GEMIN4: variants seen among roughly 807,000 people sequenced by gnomAD.
GEMIN4 encodes gem nuclear organelle associated protein 4, also known as gem-associated protein 4.
A neutral mutation model predicts 76.8 loss-of-function variants in GEMIN4; 59 were observed. The observed-to-expected ratio is 0.77, with a 90% CI of 0.62 to 0.95. The LOEUF is 0.95. GEMIN4 is among the 40% of genes least tolerant of loss of function. GEMIN4 has a pLI of 0.00. For synonymous variants in GEMIN4, 562 were observed against 559.7 expected (o/e 1.00, Z -0.06); for missense variants, 1,311 against 1,318.9 (o/e 0.99, Z 0.09).
At position 747,424 on chromosome 17, in the gene GEMIN4, G is replaced by A; in HGVS notation, c.619C>T (p.Pro207Ser). The A allele has an allele frequency of 6.2e-7, 1 of 1,613,844 alleles. No homozygotes were observed. The highest frequency in any genetic ancestry group is 1.1e-5 in the South Asian group (1 of 91,080). ...PHPPKRLRSD[P>S]DACPTMPLLA... The stretch of plus-strand genomic sequence containing the variant: ...AGGGGCATGGTGGGGCACGCGTCTG[G>A]GTCTGACCTAAGCCTCTTTGGAGGA... Residue 207 changes from proline to serine, a missense_variant, in exon 2 of 2, where the codon CCA (proline) becomes TCA (serine). Physicochemically the swap from Pro to Ser is moderately conservative, Grantham distance 74 (BLOSUM62 -1). This residue lies in a region of GEMIN4 where 1,208 missense variants were observed against 1,166.9 expected (regional missense o/e 1.04). Transcript: ENST00000319004.
In GEMIN4 at chr17:746,581, C is replaced by T. The variant is rs750342929; in HGVS notation, c.1462G>A (p.Ala488Thr). ...TTTTTACCTGGCAGGGAGAGGTCTG[C>T]GTAACATTCCAGGATCAGGTGGATC... is the stretch of plus-strand genomic sequence containing the variant. ...QVIHLILECYADLSLPGKNKV... is the reference protein window; with the variant it reads ...QVIHLILECYTDLSLPGKNKV... Residue 488 changes from alanine to threonine, a missense_variant, in exon 2 of 2, where the codon GCA becomes ACA. Physicochemically the swap from Ala to Thr is moderately conservative, Grantham distance 58 (BLOSUM62 0). Transcript: ENST00000319004. This position sits in a 1 kb window ranked among gnomAD's most constrained non-coding sequence, Gnocchi z 4.3. 1.4e-5 allele frequency: 22 copies of T among 1,613,628 alleles called. No homozygotes were observed. The highest frequency in any genetic ancestry group is 1.9e-5 in the Non-Finnish European group (22 of 1,179,886).
rs1370288239 is a variant in GEMIN4, at chr17:752,201, G to C, written c.-59C>G. On this transcript the variant is annotated 5_prime_UTR_variant, in exon 1 of 2. Transcript: ENST00000319004. ...CCCCCTCCCCTCCGAGAACTCGAACGCGGCGCGGGACGCACGGCACGATGG... is the reference window on the plus strand; with the variant it reads ...CCCCCTCCCCTCCGAGAACTCGAACCCGGCGCGGGACGCACGGCACGATGG... The C allele has an allele frequency of 4.9e-6, 6 of 1,231,212 alleles. No individual in the cohort carries two copies. The highest frequency in any genetic ancestry group is 3.0e-6 in the Non-Finnish European group (3 of 986,928). The allele number at this position is 1,231,212 out of a possible 1,614,324, so 76.3% of individuals were successfully genotyped here.
intron 1 of GEMIN4, chr17:749,732 G>A: frequency 1.3e-6 from 1 of 773,094 alleles, no homozygotes; most frequent in South Asian, 3.8e-5. Flanking sequence ...CAGGGTAATG[G>A]GCACAGAGCA....
Position 747,864 on chromosome 17 carries a change from G to C in GEMIN4, c.179C>G (p.Ser60Cys). Residue 60 changes from serine (S) to cysteine (C), a missense_variant, in exon 2 of 2, where the codon TCC becomes TGC. By Grantham distance (112) the Ser-to-Cys change is moderately radical. This residue lies in a region of GEMIN4 where 103 missense variants were observed against 152.0 expected (regional missense o/e 0.68). Coordinates refer to ENST00000319004, the MANE Select transcript of GEMIN4 (RefSeq NM_015721.3). Reference protein sequence around the residue: ...LREISSAAAHSQPFAWKKKAL... With the variant: ...LREISSAAAHCQPFAWKKKAL... ...TTTCTTCTTCCAGGCAAAGGGCTGG[G>C]AGTGTGCTGCAGCCGAGGAGATCTC... 1 of 1,613,896 alleles carries C rather than the reference G, an allele frequency of 6.2e-7. No individual in the cohort carries two copies. The highest frequency in any genetic ancestry group is 1.6e-4 in the Middle Eastern group (1 of 6,062).
chr17:752,491 C>T (rs1039363413), upstream of GEMIN4: 8 of 440,038 alleles, frequency 1.8e-5, no homozygotes, highest in Admixed American at 2.0e-4. Flanking sequence ...CACCCTCACC[C>T]GGTAACCCCG....
In GEMIN4 at chr17:745,964, G is replaced by A. The variant is rs548208529; in HGVS notation, c.2079C>T (p.Ser693=). The A allele has an allele frequency of 2.5e-6, 4 of 1,613,198 alleles. No individual in the cohort carries two copies. The Admixed American group carries it at 5.0e-5, about 20-fold the overall frequency. ...CREEYWLQTC[S]PFPLLFSLCQ... ...ACAAGCTGAAGAGGAGTGGAAACGGGGAGCAGGTCTGGAGCCAGTATTCCT... is the reference window on the plus strand; with the variant it reads ...ACAAGCTGAAGAGGAGTGGAAACGGAGAGCAGGTCTGGAGCCAGTATTCCT... Residue 693 remains serine (S), a synonymous_variant, in exon 2 of 2, where the codon TCC becomes TCT. Coordinates refer to ENST00000319004, the MANE Select transcript of GEMIN4 (RefSeq NM_015721.3). This position sits in a 1 kb window ranked among gnomAD's most constrained non-coding sequence, Gnocchi z 4.6.
chr17:754,114 C>T (rs1345816766), upstream of GEMIN4: 2 of 152,250 alleles, frequency 1.3e-5, no homozygotes, highest in African/African-American at 4.8e-5. Context: ...CCAAAATGTT[C>T]CCGGGACTAT....
At position 746,241 on chromosome 17, in the gene GEMIN4, G is replaced by C. The variant is rs898791411; in HGVS notation, c.1802C>G (p.Thr601Ser). The change falls in exon 2 of 2, where the codon ACT (threonine) becomes AGT (serine). Residue 601 changes from threonine (T) to serine (S), a missense_variant. Physicochemically the swap from Thr to Ser is moderately conservative, Grantham distance 58. This residue lies in a region of GEMIN4 where 1,208 missense variants were observed against 1,166.9 expected (regional missense o/e 1.04). Coordinates refer to ENST00000319004, the MANE Select transcript of GEMIN4 (RefSeq NM_015721.3). The surrounding 1 kb of genome is among the most constrained non-coding windows in gnomAD (Gnocchi z 4.3). ...VEEQGPNSSA[T>S]FMVSCLKETV... Reference sequence around the variant, plus strand: ...TTCTTTGAGGCATGACACCATGAAAGTGGCAGATGAATTGGGACCCTGCTC... The same window carrying C: ...TTCTTTGAGGCATGACACCATGAAACTGGCAGATGAATTGGGACCCTGCTC... 4.3e-6 allele frequency: 7 copies of C among 1,613,658 alleles called. No homozygotes were observed. The African/African-American group carries it at 8.0e-5, about 18-fold the overall frequency.
In GEMIN4 at chr17:746,693, C is replaced by T. The variant is rs1974431474; in HGVS notation, c.1350G>A (p.Gln450=). 1.2e-6 allele frequency: 2 copies of T among 1,613,496 alleles called. No homozygotes were observed. Among genetic ancestry groups the T allele is most frequent in the African/African-American group, 1.3e-5 (1 of 74,906 alleles). The change falls in exon 2 of 2, where the codon CAG becomes CAA. Residue 450 remains glutamine, a synonymous_variant. Transcript: ENST00000319004. The surrounding 1 kb of genome is among the most constrained non-coding windows in gnomAD (Gnocchi z 4.3). ...CCAGCAGCCTCAACACCAAGTCTGGCTGTCGGAAGAGGGCCCTGTTACTCC... is the reference window on the plus strand; with the variant it reads ...CCAGCAGCCTCAACACCAAGTCTGGTTGTCGGAAGAGGGCCCTGTTACTCC... ...CLGSNRALFR[Q]PDLVLRLLET... is the part of the protein sequence containing the mutation.
At chr17:752,298 G>A (rs1904776524), upstream of GEMIN4, 2 of 1,223,228 alleles carry the variant, frequency 1.6e-6, no homozygotes, top group Non-Finnish European at 2.0e-6. Context: ...CACAGCCTCC[G>A]CCGCGCACGC....
chr17:748,948 G>A (rs1476156352), intron 1 of GEMIN4: 11 of 152,356 alleles, frequency 7.2e-5, no homozygotes, highest in South Asian at 1.1e-4. Context: ...GCAATCACAC[G>A]GCCACAGGAT....
chr17:753,675 GACTA>G (rs1460695702), upstream of GEMIN4: 4 of 152,500 alleles, frequency 2.6e-5, no homozygotes, highest in East Asian at 3.8e-4. Context: ...CAAATACACA[GACTA>G]ACTTTTTGTA....
chr17:747,961 G>A lies in GEMIN4; in HGVS notation c.82C>T (p.Pro28Ser), dbSNP rs776030289. 4 of 1,613,112 alleles carry A rather than the reference G, an allele frequency of 2.5e-6. No individual in the cohort carries two copies. The highest frequency in any genetic ancestry group is 3.4e-6 in the Non-Finnish European group (4 of 1,179,670). ...GFLLAEQLFH[P>S]KALAELTKSD... The stretch of plus-strand genomic sequence containing the variant: ...TTTGTTAATTCTGCCAGTGCCTTAG[G>A]GTGGAACAGCTGCTCGGCCAGCAAG... Residue 28 changes from proline to serine, a missense_variant, in exon 2 of 2, where the codon CCT becomes TCT. Pro to Ser is a moderately conservative substitution (Grantham distance 74). Around this residue, in one of 2 missense-constraint regions of GEMIN4, gnomAD observed 103 missense variants for 152.0 expected, o/e 0.68. Transcript: ENST00000319004.
upstream of GEMIN4, chr17:753,992 G>C (rs958888121): frequency 6.6e-6 from 1 of 152,232 alleles, no homozygotes; most frequent in African/African-American, 2.4e-5. Flanking sequence ...CAAGCTTTCC[G>C]TGATGATAAT....
chr17:752,787 A>C, upstream of GEMIN4: 1 of 203,442 alleles, frequency 4.9e-6, no homozygotes, highest in Non-Finnish European at 8.8e-6. Flanking sequence ...AAACACAAAC[A>C]TCGCGTGCCT....
Position 752,221 on chromosome 17 carries a change from C to G in GEMIN4, c.-79G>C, listed in dbSNP as rs1213445021. The stretch of plus-strand genomic sequence containing the variant: ...CGAACGCGGCGCGGGACGCACGGCA[C>G]GATGGGAGACGCAGGAGCCACGGCG... On this transcript the variant is annotated 5_prime_UTR_variant, in exon 1 of 2. Coordinates refer to ENST00000319004, the MANE Select transcript of GEMIN4 (RefSeq NM_015721.3). 2 of 1,229,502 alleles carry G rather than the reference C, an allele frequency of 1.6e-6. No individual in the cohort carries two copies. Among genetic ancestry groups the G allele is most frequent in the Non-Finnish European group, 2.0e-6 (2 of 985,828 alleles). 76.2% of individuals were successfully genotyped at this position (1,229,502 alleles called of 1,614,324 possible). A position where few individuals can be genotyped will look rare whatever the true frequency, so the allele number is the denominator to read the frequency against.
At position 746,775 on chromosome 17, in the gene GEMIN4, T is replaced by C. The variant is rs200565665; in HGVS notation, c.1268A>G (p.Tyr423Cys). 2.7e-4 allele frequency: 439 copies of C among 1,613,766 alleles called. 1 individual carries two copies. The highest frequency in any genetic ancestry group is 3.4e-4 in the Non-Finnish European group (398 of 1,179,800). The change falls in exon 2 of 2, where the codon TAC becomes TGC. Residue 423 changes from tyrosine (Y) to cysteine (C), a missense_variant. Physicochemically the swap from Tyr to Cys is radical, Grantham distance 194. This residue lies in a region of GEMIN4 where 1,208 missense variants were observed against 1,166.9 expected (regional missense o/e 1.04). Transcript: ENST00000319004. This position sits in a 1 kb window ranked among gnomAD's most constrained non-coding sequence, Gnocchi z 4.3. ...CCACTTCTTCTCAGAGGCAAAAATG[T>C]AGCACACTTCCATATGGCGGTCCAT... ...QKMDRHMEVC[Y>C]IFASEKKWAF...
chr17:751,198 G>A (rs1904664573), intron 1 of GEMIN4, among the ~76,000 whole-genome samples: 1 of 152,222 alleles, frequency 6.6e-6, no homozygotes, highest in Admixed American at 6.5e-5. Flanking sequence ...ACACAGGTAA[G>A]ATCTCTTCTA....
Position 746,668 on chromosome 17 carries a change from C to A in GEMIN4, c.1375G>T (p.Glu459Ter). 6.2e-7 allele frequency: 1 copy of A among 1,613,602 alleles called. No homozygotes were observed. The change falls in exon 2 of 2, where the codon GAA becomes TAA. Residue 459 changes from glutamate (E) to a stop codon, truncating the protein, a stop_gained. Coordinates refer to ENST00000319004, the MANE Select transcript of GEMIN4 (RefSeq NM_015721.3). LOFTEE classifies it high-confidence loss of function. This position sits in a 1 kb window ranked among gnomAD's most constrained non-coding sequence, Gnocchi z 4.3. ...GCTGTGCTGACGTCTATCACTGTTT[C>A]CAGCAGCCTCAACACCAAGTCTGGC... ...RQPDLVLRLL[E>*]TVIDVSTADR...
Sources: allele counts gnomAD v4.1 joint callset (sites outside exome capture counted in the v4.1 genomes callset), GRCh38; gene constraint gnomAD v4.1.1; regional missense constraint gnomAD v4.1.1; non-coding constraint Gnocchi (gnomAD v3.1); transcripts MANE v1.5; gene names NCBI Gene and HGNC (gene_info 2026-07-23, HGNC 2026-07-21).